MALRD1: variants seen among roughly 807,000 people sequenced by gnomAD.
The protein encoded by MALRD1 is MAM and LDL receptor class A domain containing 1, also known as MAM and LDL-receptor class A domain-containing protein 1.
In MALRD1, 247 loss-of-function variants were observed where a neutral mutation model predicts 242.1. That is an observed-to-expected ratio of 1.02 (90% CI 0.92 to 1.13). The LOEUF (loss-of-function observed/expected upper bound fraction) is 1.13, where lower values mean the gene tolerates loss of function less well. Among genes scored for constraint, MALRD1 ranks in the 50% most tolerant of loss-of-function variants. The pLI, the probability that MALRD1 is intolerant of heterozygous loss-of-function variation, is 0.00. For synonymous variants in MALRD1, 995 were observed against 866.6 expected (o/e 1.15, Z -2.60); for missense variants, 2,989 against 2,533.1 (o/e 1.18, Z -3.86).
intron 31 of MALRD1, among the ~76,000 whole-genome samples, chr10:19,502,269 T>C (rs1157212132): frequency 6.6e-6 from 1 of 151,950 alleles, no homozygotes; most frequent in African/African-American, 2.4e-5. Flanking sequence ...TTTTAAAATA[T>C]AAATAAGCAG....
chr10:19,298,425 C>G lies in MALRD1; in HGVS notation c.3419+15244C>G, dbSNP rs561659465. The stretch of plus-strand genomic sequence containing the variant: ...GGAATGGGACAAAGGATGTGATTTA[C>G]AAGAGAACTGATAGGAAAGACAAGA... On this transcript the variant is annotated intron_variant, in intron 21 of 39. Transcript: ENST00000454679. Among the ~76,000 whole-genome samples the G allele has an allele frequency of 6.0e-5, 9 of 150,416 alleles. No homozygotes were observed. In the South Asian group the frequency reaches 1.9e-3, roughly 31 times the overall value.
chr10:19,617,555 A>G (rs1035985744), intron 36 of MALRD1, among the ~76,000 whole-genome samples: 2 of 152,002 alleles, frequency 1.3e-5, no homozygotes, highest in African/African-American at 2.4e-5. Flanking sequence ...TTTCTTTAAA[A>G]TTACGTACTA....
chr10:19,326,421 GATAA>G (rs1194025182), intron 22 of MALRD1, among the ~76,000 whole-genome samples: 2 of 151,942 alleles, frequency 1.3e-5, no homozygotes, highest in East Asian at 1.9e-4. Context: ...TTTGTGCATG[GATAA>G]ATAAAATAAC....
At position 19,595,412 on chromosome 10, in the gene MALRD1, G is replaced by A. The variant is rs559662548; in HGVS notation, c.5899G>A (p.Asp1967Asn). 8 of 1,550,270 alleles carry A rather than the reference G, an allele frequency of 5.2e-6. No homozygotes were observed. The highest frequency in any genetic ancestry group is 4.9e-5 in the East Asian group (2 of 40,906). Reference protein sequence around the residue: ...DECIPSLLLCDGVPDCHFNED... With the variant: ...DECIPSLLLCNGVPDCHFNED... ...GTGTATACCTTCCCTCCTGCTATGC[G>A]ATGGAGTGCCCGACTGCCACTTTAA... is the stretch of plus-strand genomic sequence containing the variant. The change falls in exon 34 of 40, where the codon GAT becomes AAT. Residue 1967 changes from aspartate to asparagine, a missense_variant. By Grantham distance (23) the Asp-to-Asn change is conservative. Transcript: ENST00000454679.
chr10:19,306,075 C>CTATAAACTATATATACTATATACTA (rs1842169335), intron 21 of MALRD1, among the ~76,000 whole-genome samples: 1 of 111,804 alleles, frequency 8.9e-6, no homozygotes, highest in Non-Finnish European at 1.7e-5. Context: ...ACTATATATA[C>CTATAAACTATATATACTATATACTA]TATATACTAT....
chr10:19,640,439 A>G (rs773672608), intron 36 of MALRD1, among the ~76,000 whole-genome samples: 7 of 152,172 alleles, frequency 4.6e-5, no homozygotes, highest in Non-Finnish European at 8.8e-5. Flanking sequence ...CCATTGCAAC[A>G]TCCAAAGGCA....
intron 36 of MALRD1, among the ~76,000 whole-genome samples, chr10:19,686,436 T>C (rs1589399835): frequency 6.6e-6 from 1 of 152,158 alleles, no homozygotes; most frequent in East Asian, 1.9e-4. Flanking sequence ...CCAACATCCC[T>C]AGAGGAAGGT....
At chr10:19,370,516 A>G (rs1239261820) in intron 26 of MALRD1, among the ~76,000 whole-genome samples, 1 of 152,136 alleles carries the variant, frequency 6.6e-6, no homozygotes, top group Non-Finnish European at 1.5e-5. Flanking sequence ...TATTAAAAGT[A>G]CAATTAATTT....
intron 28 of MALRD1, among the ~76,000 whole-genome samples, chr10:19,416,388 G>T (rs769145935): frequency 6.6e-6 from 1 of 152,184 alleles, no homozygotes; most frequent in Non-Finnish European, 1.5e-5. Flanking sequence ...CAGAATAAAT[G>T]AATATTGAGA....
intron 32 of MALRD1, among the ~76,000 whole-genome samples, chr10:19,547,023 A>T (rs1835235462): frequency 6.6e-6 from 1 of 152,020 alleles, no homozygotes; most frequent in Non-Finnish European, 1.5e-5. Context: ...AATTTGAGGG[A>T]AGGTGTTTTG....
At chr10:19,515,837 G>A (rs200438511) in intron 31 of MALRD1, among the ~76,000 whole-genome samples, 1 of 152,166 alleles carries the variant, frequency 6.6e-6, no homozygotes, top group African/African-American at 2.4e-5. Context: ...CAAAGAGCTC[G>A]GATTACAGGC....
chr10:19,497,158 T>G (rs1038711829), intron 30 of MALRD1, among the ~76,000 whole-genome samples: 1 of 152,098 alleles, frequency 6.6e-6, no homozygotes, highest in African/African-American at 2.4e-5. Context: ...GTAAAGAATG[T>G]GCAGGTGACA....
intron 28 of MALRD1, among the ~76,000 whole-genome samples, chr10:19,420,670 C>A (rs922833925): frequency 1.3e-5 from 2 of 151,924 alleles, no homozygotes; most frequent in African/African-American, 2.4e-5. Flanking sequence ...GTCTTTTGTG[C>A]ACATACCCTC....
chr10:19,076,438 T>C (rs1236678801), intron 2 of MALRD1, among the ~76,000 whole-genome samples: 5 of 152,180 alleles, frequency 3.3e-5, no homozygotes. Context: ...TAAGAGTTTA[T>C]ATCTTATACT....
At chr10:19,164,280 A>T (rs1194560198) in intron 12 of MALRD1, among the ~76,000 whole-genome samples, 3 of 152,144 alleles carry the variant, frequency 2.0e-5, no homozygotes, top group East Asian at 3.9e-4. Context: ...CAATTTTTTT[A>T]AAAAAGCATT....
intron 32 of MALRD1, among the ~76,000 whole-genome samples, chr10:19,538,197 C>T (rs185423110): frequency 1.3e-5 from 2 of 152,222 alleles, no homozygotes; most frequent in East Asian, 1.9e-4. Flanking sequence ...TTATCTCAGC[C>T]TTCAAAGTAG....
intron 18 of MALRD1, among the ~76,000 whole-genome samples, chr10:19,255,757 G>T (rs1473904914): frequency 1.3e-5 from 2 of 152,026 alleles, no homozygotes; most frequent in African/African-American, 2.4e-5. Flanking sequence ...TTCTGTCTTG[G>T]ATTGTTTCTG....
At chr10:19,226,057 A>T (rs1291192805) in intron 18 of MALRD1, among the ~76,000 whole-genome samples, 1 of 152,158 alleles carries the variant, frequency 6.6e-6, no homozygotes, top group African/African-American at 2.4e-5. Context: ...ATCACAACTC[A>T]AAAATGACAG....
chr10:19,537,347 T>C (rs1382884650), intron 32 of MALRD1, among the ~76,000 whole-genome samples: 3 of 152,208 alleles, frequency 2.0e-5, no homozygotes, highest in Admixed American at 1.3e-4. Flanking sequence ...CCAAATACCA[T>C]TGACTGCATG....
Sources: allele counts gnomAD v4.1 joint callset (sites outside exome capture counted in the v4.1 genomes callset), GRCh38; gene constraint gnomAD v4.1.1; transcripts MANE v1.5; gene names NCBI Gene and HGNC (gene_info 2026-07-23, HGNC 2026-07-21).